The following SNX18 variants were observed in gnomAD, a reference collection of about 807,000 sequenced individuals.
SNX18 encodes the protein sorting nexin-18.
A neutral mutation model predicts 48.7 loss-of-function variants in SNX18; 35 were observed. The observed-to-expected ratio is 0.72, with a 90% CI of 0.55 to 0.95. The LOEUF (loss-of-function observed/expected upper bound fraction) is 0.95. Among genes scored for constraint, SNX18 ranks in the 40% least tolerant of loss-of-function variants. The pLI is 0.00. For missense variants in SNX18, 824 were observed against 871.0 expected (o/e 0.95, Z 0.68); for synonymous variants, 492 against 384.7 (o/e 1.28, Z -3.26).
intron 1 of SNX18, among the ~76,000 whole-genome samples, chr5:54,524,020 C>A (rs1762081304): frequency 6.6e-6 from 1 of 152,262 alleles, no homozygotes. Context: ...TGAGGCTGTT[C>A]ATTCTTTTTG....
Position 54,543,960 on chromosome 5 carries a change from T to G in SNX18, c.*528T>G, listed in dbSNP as rs1762519659. On this transcript the variant is annotated 3_prime_UTR_variant, in exon 2 of 2. Coordinates refer to ENST00000381410, the MANE Select transcript of SNX18 (RefSeq NM_001102575.2). Reference sequence around the variant, plus strand: ...CACCTTTTTAAAGTAAGCCACAGCTTTTCTGATTGAAAGAGTGAAAGGCCA... The same window carrying G: ...CACCTTTTTAAAGTAAGCCACAGCTGTTCTGATTGAAAGAGTGAAAGGCCA... 4 of 152,076 alleles carry G rather than the reference T, an allele frequency of 2.6e-5. No individual in the cohort carries two copies. The highest frequency in any genetic ancestry group is 5.9e-5 in the Non-Finnish European group (4 of 68,204). 9.4% of individuals were successfully genotyped at this position (152,076 alleles called of 1,614,324 possible).
chr5:54,605,950 T>C, the SNX18 span, among the ~76,000 whole-genome samples: 1 of 152,340 alleles, frequency 6.6e-6, no homozygotes, highest in African/African-American at 2.4e-5. Context: ...GGGTGTGAGC[T>C]ACCACGCCCA....
the SNX18 span, among the ~76,000 whole-genome samples, chr5:54,631,769 T>C: frequency 6.6e-6 from 1 of 152,220 alleles, no homozygotes; most frequent in Non-Finnish European, 1.5e-5. Flanking sequence ...CCTACACTTA[T>C]TTGCAAGGCT....
the SNX18 span, among the ~76,000 whole-genome samples, chr5:54,582,655 G>T: frequency 6.6e-6 from 1 of 152,084 alleles, no homozygotes; most frequent in Non-Finnish European, 1.5e-5. Flanking sequence ...AACCAGGCAT[G>T]CTGGTGTGCA....
Position 54,519,501 on chromosome 5 carries a change from C to G in SNX18, c.1549C>G (p.Pro517Ala). The change falls in exon 1 of 2, where the codon CCC (proline) becomes GCC (alanine). Residue 517 changes from proline to alanine, a missense_variant. Pro to Ala is a conservative substitution (Grantham distance 27). Transcript: ENST00000381410. ...GGAGCAGCCCAGGCAGGACCTGGAT[C>G]CCGTCATGGACCTATTAGCGCTGTA... ...FAEQPRQDLD[P>A]VMDLLALYQG... 6.2e-7 allele frequency: 1 copy of G among 1,614,218 alleles called. No homozygotes were observed. Among genetic ancestry groups the G allele is most frequent in the Non-Finnish European group, 8.5e-7 (1 of 1,180,034 alleles).
the SNX18 span, among the ~76,000 whole-genome samples, chr5:54,553,273 C>A: frequency 6.6e-6 from 1 of 152,154 alleles, no homozygotes; most frequent in African/African-American, 2.4e-5. Context: ...AAGCAGAGAC[C>A]ACATTGGAGG....
downstream of SNX18, among the ~76,000 whole-genome samples, chr5:54,549,687 T>C (rs1486898386): frequency 6.6e-6 from 1 of 152,160 alleles, no homozygotes; most frequent in Non-Finnish European, 1.5e-5. Flanking sequence ...TTAATAGTGG[T>C]TTTATTGAAT....
Position 54,519,326 on chromosome 5 carries a change from C to T in SNX18, c.1374C>T (p.Thr458=), listed in dbSNP as rs150236895. The part of the protein sequence containing the change: ...TANEFARKQV[T]GFKKEYQKVG... The stretch of plus-strand genomic sequence containing the variant: ...ACGAGTTCGCGCGCAAGCAGGTGAC[C>T]GGCTTCAAAAAGGAGTATCAGAAGG... The change falls in exon 1 of 2, where the codon ACC becomes ACT. Residue 458 remains threonine (T), a synonymous_variant. Transcript: ENST00000381410. 335 of 1,613,594 alleles carry T rather than the reference C, an allele frequency of 2.1e-4. 2 individuals are homozygous for T. The African/African-American group carries it at 3.9e-3, about 19-fold the overall frequency.
the SNX18 span, among the ~76,000 whole-genome samples, chr5:54,574,328 A>G: frequency 6.6e-6 from 1 of 152,178 alleles, no homozygotes; most frequent in African/African-American, 2.4e-5. Context: ...GAAGCTGCCC[A>G]TTTCTTAACA....
rs537182390 is a variant in SNX18 at position 54,546,566 on chromosome 5, A to G, written c.*3134A>G. On this transcript the variant is annotated 3_prime_UTR_variant, in exon 2 of 2. Transcript: ENST00000381410. ...GCCATGTTTATCTTTTTAAAAAATAAACAGGTTGCTTTATTTCTTAGCTTC... is the reference window on the plus strand; with the variant it reads ...GCCATGTTTATCTTTTTAAAAAATAGACAGGTTGCTTTATTTCTTAGCTTC... The G allele has an allele frequency of 6.6e-6, 1 of 152,348 alleles. No individual in the cohort carries two copies. Among genetic ancestry groups the G allele is most frequent in the East Asian group, 1.9e-4 (1 of 5,190 alleles). The allele number at this position is 152,348 out of a possible 1,614,324, so 9.4% of individuals were successfully genotyped here.
intron 1 of SNX18, among the ~76,000 whole-genome samples, chr5:54,542,449 G>T (rs371365446): frequency 6.6e-6 from 1 of 152,200 alleles, no homozygotes; most frequent in African/African-American, 2.4e-5. Context: ...TGTACTCCAG[G>T]TGTGGGTCTC....
At chr5:54,637,202 T>C in the SNX18 span, among the ~76,000 whole-genome samples, 1 of 152,106 alleles carries the variant, frequency 6.6e-6, no homozygotes, top group Non-Finnish European at 1.5e-5. Context: ...AGTGCTTAAA[T>C]GTATCAGAAT....
At chr5:54,637,668 C>T in the SNX18 span, among the ~76,000 whole-genome samples, 1 of 152,258 alleles carries the variant, frequency 6.6e-6, no homozygotes, top group South Asian at 2.1e-4. Flanking sequence ...GTTGACATTA[C>T]CTGATAATTT....
At chr5:54,647,014 C>T in the SNX18 span, among the ~76,000 whole-genome samples, 101,701 of 152,016 alleles carry the variant, frequency 0.67, 34,159 homozygotes, top group East Asian at 0.72. Context: ...AAGAGCAATT[C>T]GTCATCGGCT....
At chr5:54,519,665 A>G in intron 1 of SNX18, 92 bp downstream of exon 1, 1 of 1,613,884 alleles carries the variant, frequency 6.2e-7, no homozygotes, top group Admixed American at 1.7e-5. Flanking sequence ...GGGTTTCAGA[A>G]TCATATTCTA....
At chr5:54,628,997 G>A in the SNX18 span, among the ~76,000 whole-genome samples, 9 of 152,276 alleles carry the variant, frequency 5.9e-5, no homozygotes, top group South Asian at 2.1e-4. Flanking sequence ...CCCCTACACC[G>A]GAAAGTCCTT....
downstream of SNX18, among the ~76,000 whole-genome samples, chr5:54,548,487 G>A (rs1171261237): frequency 6.6e-6 from 1 of 152,226 alleles, no homozygotes; most frequent in Non-Finnish European, 1.5e-5. Flanking sequence ...GAGAAAGGCA[G>A]CAATTTGGAG....
chr5:54,526,297 G>A (rs530666385), intron 1 of SNX18, among the ~76,000 whole-genome samples: 23 of 152,040 alleles, frequency 1.5e-4, no homozygotes, highest in African/African-American at 2.4e-4. Flanking sequence ...TAGTAGAGAC[G>A]GGGTTTCACT....
At chr5:54,534,397 G>A (rs963577270) in intron 1 of SNX18, among the ~76,000 whole-genome samples, 1 of 152,064 alleles carries the variant, frequency 6.6e-6, no homozygotes, top group Admixed American at 6.5e-5. Context: ...ACTGGATGGG[G>A]TTGGACTGGG....
Sources: gnomAD v4.1 joint callset for allele counts (sites outside exome capture counted in the v4.1 genomes callset) on GRCh38, gnomAD v4.1.1 for gene constraint, MANE v1.5 for transcripts, NCBI Gene and HGNC (gene_info 2026-07-23, HGNC 2026-07-21) for gene names.